Variants in XIRP2 observed in about 807,000 individuals in gnomAD.
The protein encoded by XIRP2 is xin actin binding repeat containing 2.
Under a neutral mutation model 277.0 loss-of-function variants are expected in XIRP2, and 236 were observed. The ratio of observed to expected loss-of-function variants is 0.85; its 90% CI spans 0.77 to 0.95. The LOEUF (loss-of-function observed/expected upper bound fraction) is 0.95, where lower values mean the gene tolerates loss of function less well. Among genes scored for constraint, XIRP2 ranks in the 40% least tolerant of loss-of-function variants. The probability of loss-of-function intolerance (pLI) is 0.00; values close to 1 mark genes in which losing one functional copy is unlikely to be tolerated. For synonymous variants in XIRP2, 1,490 were observed against 1,416.5 expected (o/e 1.05, Z -1.17); for missense variants, 4,640 against 4,157.5 (o/e 1.12, Z -3.19).
At chr2:167,181,953 C>A (rs1693026041) in intron 3 of XIRP2, among the ~76,000 whole-genome samples, 1 of 152,032 alleles carries the variant, frequency 6.6e-6, no homozygotes, top group South Asian at 2.1e-4. Flanking sequence ...ATGGTGCTTT[C>A]TTCACTCCCC....
In XIRP2 at chr2:167,227,398, G is replaced by A. The variant is rs146378225; in HGVS notation, c.858+9098G>A. Among the ~76,000 whole-genome samples the A allele has an allele frequency of 6.1e-3, 928 of 152,120 alleles. 10 individuals carry two copies. The highest frequency in any genetic ancestry group is 0.032 in the Admixed American group (483 of 15,254). ...GAAATAGTAGTTTCTGCATATATAT[G>A]ACATATTAGAATATTAAAAATAAAC... On this transcript the variant is annotated intron_variant, in intron 5 of 10. Coordinates refer to ENST00000409195, the MANE Select transcript of XIRP2 (RefSeq NM_152381.6).
intron 2 of XIRP2, among the ~76,000 whole-genome samples, chr2:167,034,859 A>G (rs1476343803): frequency 1.3e-5 from 2 of 152,198 alleles, no homozygotes; most frequent in African/African-American, 4.8e-5. Context: ...CTCAACTTGA[A>G]TTGTAGTTCC....
intron 3 of XIRP2, among the ~76,000 whole-genome samples, chr2:167,179,026 A>G (rs1692933826): frequency 6.6e-6 from 1 of 152,152 alleles, no homozygotes; most frequent in Non-Finnish European, 1.5e-5. Context: ...ATGACACAGG[A>G]TATATTTTAA....
At chr2:167,227,864 C>CT (rs1559030329) in intron 5 of XIRP2, among the ~76,000 whole-genome samples, 1 of 151,946 alleles carries the variant, frequency 6.6e-6, no homozygotes, top group African/African-American at 2.4e-5. Context: ...AAGACTGAAA[C>CT]TTTACTTCAT....
intron 2 of XIRP2, among the ~76,000 whole-genome samples, chr2:166,919,379 T>C (rs1313093086): frequency 1.3e-5 from 2 of 152,214 alleles, no homozygotes; most frequent in Non-Finnish European, 2.9e-5. Context: ...TAACTTGTTT[T>C]ATGCGAATGT....
chr2:167,254,067 T>C lies in XIRP2; in HGVS notation c.10591T>C (p.Leu3531=). The change falls in exon 10 of 11, where the codon TTG becomes CTG. Residue 3531 remains leucine, a synonymous_variant. Transcript: ENST00000409195. ...TCCAAGACAAGGAAATATGTATACT[T>C]TGTCAAAAGACAGTTTATCCAATGG... is the stretch of plus-strand genomic sequence containing the variant. ...AAPRQGNMYT[L]SKDSLSNGVP... 6.2e-7 allele frequency: 1 copy of C among 1,605,622 alleles called. No homozygotes were observed. The highest frequency in any genetic ancestry group is 8.5e-7 in the Non-Finnish European group (1 of 1,175,704).
intron 3 of XIRP2, among the ~76,000 whole-genome samples, chr2:167,153,958 A>G (rs1263913845): frequency 2.0e-5 from 3 of 150,842 alleles, no homozygotes; most frequent in East Asian, 1.9e-4. Context: ...GGTATTTCTA[A>G]TTCTAGATCC....
At position 167,259,220 on chromosome 2, in the gene XIRP2, C is replaced by A. The variant is rs200386467; in HGVS notation, c.*1403C>A. 25 of 1,613,154 alleles carry A rather than the reference C, an allele frequency of 1.5e-5. No homozygotes were observed. The East Asian group carries it at 5.6e-4, about 36-fold the overall frequency. The stretch of plus-strand genomic sequence containing the variant: ...GCATGTTGAAACAACAGAAGCTGCC[C>A]GCAATAATGAAAACACAGGTTTTGA... On this transcript the variant is annotated 3_prime_UTR_variant, in exon 11 of 11. Coordinates refer to ENST00000409195, the MANE Select transcript of XIRP2 (RefSeq NM_152381.6).
chr2:167,041,207 TCAGCTCAC>T (rs759170251), intron 2 of XIRP2, among the ~76,000 whole-genome samples: 2,185 of 152,218 alleles, frequency 0.014, 20 homozygotes, highest in African/African-American at 0.019. Context: ...TAAAGGAACA[TCAGCTCAC>T]ATATATGAGA....
chr2:167,149,683 A>C (rs1016982495), intron 3 of XIRP2, among the ~76,000 whole-genome samples: 4 of 152,078 alleles, frequency 2.6e-5, no homozygotes, highest in African/African-American at 9.7e-5. Flanking sequence ...TATTGGAAAA[A>C]ATATAGGAAA....
chr2:167,060,526 A>T (rs1343387934), intron 2 of XIRP2, among the ~76,000 whole-genome samples: 2 of 152,132 alleles, frequency 1.3e-5, no homozygotes, highest in Admixed American at 6.5e-5. Flanking sequence ...TTTTGTATAT[A>T]TAGTGTGAAA....
chr2:167,081,712 G>C (rs939116177), intron 2 of XIRP2, among the ~76,000 whole-genome samples: 44 of 152,194 alleles, frequency 2.9e-4, no homozygotes, highest in African/African-American at 1.0e-3. Context: ...TTAACTTACA[G>C]TTAAACTAAA....
At chr2:167,123,575 T>G (rs2105306712) in intron 2 of XIRP2, among the ~76,000 whole-genome samples, 1 of 152,240 alleles carries the variant, frequency 6.6e-6, no homozygotes, top group Admixed American at 6.5e-5. Flanking sequence ...GCAGGGTTTG[T>G]TTTCTCTGAG....
In XIRP2 at chr2:167,246,468, T is replaced by C; in HGVS notation, c.5076T>C (p.Tyr1692=). ...AAGGAGATATTAACATGACTATCTA[T>C]TGTCTTCTTCATGAAAATGATGGTG... is the stretch of plus-strand genomic sequence containing the variant. ...DEKGDINMTI[Y]CLLHENDGDT... The change falls in exon 9 of 11, where the codon TAT becomes TAC. Residue 1692 remains tyrosine, a synonymous_variant. Coordinates refer to ENST00000409195, the MANE Select transcript of XIRP2 (RefSeq NM_152381.6). 6.2e-7 allele frequency: 1 copy of C among 1,613,742 alleles called. No homozygotes were observed. Among genetic ancestry groups the C allele is most frequent in the Non-Finnish European group, 8.5e-7 (1 of 1,179,802 alleles).
At chr2:166,914,087 A>G (rs1011209003) in intron 2 of XIRP2, among the ~76,000 whole-genome samples, 1 of 152,210 alleles carries the variant, frequency 6.6e-6, no homozygotes, top group African/African-American at 2.4e-5. Flanking sequence ...ATTATCCCAG[A>G]TGAAAACTGA....
At chr2:166,936,256 GTTGT>G (rs1351588594) in intron 2 of XIRP2, among the ~76,000 whole-genome samples, 1 of 152,174 alleles carries the variant, frequency 6.6e-6, no homozygotes, top group African/African-American at 2.4e-5. Flanking sequence ...TTTTGATGGG[GTTGT>G]TTGTTTTTTT....
At chr2:166,963,145 A>T (rs150974319) in intron 2 of XIRP2, among the ~76,000 whole-genome samples, 1 of 151,910 alleles carries the variant, frequency 6.6e-6, no homozygotes, top group East Asian at 1.9e-4. Context: ...GTCAATTAAA[A>T]ATTATTAAAA....
intron 3 of XIRP2, among the ~76,000 whole-genome samples, chr2:167,159,530 T>G (rs1225856965): frequency 6.6e-6 from 1 of 152,204 alleles, no homozygotes; most frequent in Non-Finnish European, 1.5e-5. Flanking sequence ...TTATTTTCTC[T>G]TATTGTGAGG....
At chr2:167,037,518 G>GGT (rs59857626) in intron 2 of XIRP2, among the ~76,000 whole-genome samples, 13,261 of 126,068 alleles carry the variant, frequency 0.11, 647 homozygotes, top group South Asian at 0.17. Flanking sequence ...TCATGTGGGG[G>GGT]GTGTGTGTGT....
Sources: allele counts gnomAD v4.1 joint callset (sites outside exome capture counted in the v4.1 genomes callset), GRCh38; gene constraint gnomAD v4.1.1; transcripts MANE v1.5; gene names NCBI Gene and HGNC (gene_info 2026-07-23, HGNC 2026-07-21).